ITGA11: variants seen among roughly 807,000 people sequenced by gnomAD.
The protein encoded by ITGA11 is integrin alpha-11.
A neutral mutation model predicts 141.9 loss-of-function variants in ITGA11; 97 were observed. That is an observed-to-expected ratio of 0.68 (90% confidence interval 0.58 to 0.81). The LOEUF (loss-of-function observed/expected upper bound fraction) is 0.81. Among genes scored for constraint, ITGA11 ranks in the 30% least tolerant of loss-of-function variants. The pLI, the probability that ITGA11 is intolerant of heterozygous loss-of-function variation, is 0.00. For missense variants in ITGA11, 1,387 were observed against 1,559.2 expected (o/e 0.89, Z 1.86); for synonymous variants, 658 against 624.6 (o/e 1.05, Z -0.80).
chr15:68,351,734 T>C (rs1305214272), intron 7 of ITGA11, among the ~76,000 whole-genome samples: 3 of 151,312 alleles, frequency 2.0e-5, no homozygotes, highest in African/African-American at 7.3e-5. Flanking sequence ...TTTAGAGGCA[T>C]TAAGTCAGTG....
chr15:68,425,693 C>A (rs534240181), intron 1 of ITGA11, among the ~76,000 whole-genome samples: 1 of 152,352 alleles, frequency 6.6e-6, no homozygotes, highest in Non-Finnish European at 1.5e-5. Flanking sequence ...CTATCTAGAG[C>A]TACGCCCACT....
In ITGA11 at chr15:68,351,384, C is replaced by G; in HGVS notation, c.768G>C (p.Lys256Asn). The G allele has an allele frequency of 6.2e-7, 1 of 1,613,948 alleles. No individual in the cohort carries two copies. Among genetic ancestry groups the G allele is most frequent in the Non-Finnish European group, 8.5e-7 (1 of 1,179,882 alleles). The change falls in exon 8 of 30, where the codon AAG becomes AAC. Residue 256 changes from lysine to asparagine, a missense_variant. Physicochemically the swap from Lys to Asn is moderately conservative, Grantham distance 94. Coordinates refer to ENST00000315757, the MANE Select transcript of ITGA11 (RefSeq NM_001004439.2). ...IEFARSEAFQ[K>N]GGRKGAKKVM... ...CCTTCTTGGCTCCTTTCCTTCCACCCTTCTGGAAAGCCTCTGAGCTGGAAG... is the reference window on the plus strand; with the variant it reads ...CCTTCTTGGCTCCTTTCCTTCCACCGTTCTGGAAAGCCTCTGAGCTGGAAG...
intron 2 of ITGA11, among the ~76,000 whole-genome samples, chr15:68,374,259 CT>C (rs1303693084): frequency 6.6e-6 from 1 of 152,216 alleles, no homozygotes; most frequent in Non-Finnish European, 1.5e-5. Context: ...AAACTTTCCC[CT>C]GGCCTAGCCT....
At chr15:68,314,251 C>T (rs1353567294) in intron 22 of ITGA11, among the ~76,000 whole-genome samples, 1 of 152,218 alleles carries the variant, frequency 6.6e-6, no homozygotes, top group Admixed American at 6.5e-5. Context: ...GTGGCAAAGG[C>T]TGTGCCCACG....
In ITGA11 at chr15:68,351,399, T is replaced by G; in HGVS notation, c.753A>C (p.Ser251=). 1 of 1,613,780 alleles carries G rather than the reference T, an allele frequency of 6.2e-7. No homozygotes were observed. Among genetic ancestry groups the G allele is most frequent in the Non-Finnish European group, 8.5e-7 (1 of 1,179,828 alleles). ...TCCTTCCACCCTTCTGGAAAGCCTC[T>G]GAGCTGGAAGCCAAGCACAGGGGCA... The part of the protein sequence containing the change: ...RTAFGIEFAR[S]EAFQKGGRKG... Residue 251 remains serine (S), a synonymous_variant, in exon 8 of 30, where the codon TCA becomes TCC. Transcript: ENST00000315757.
At chr15:68,318,156 G>A (rs779860610) in intron 20 of ITGA11, among the ~76,000 whole-genome samples, 11 of 152,076 alleles carry the variant, frequency 7.2e-5, no homozygotes, top group Non-Finnish European at 1.5e-4. Context: ...GTTGGGGATG[G>A]GTGGTGGCAC....
intron 2 of ITGA11, among the ~76,000 whole-genome samples, chr15:68,383,262 C>T (rs1384373685): frequency 1.3e-5 from 2 of 149,562 alleles, no homozygotes; most frequent in Non-Finnish European, 3.0e-5. Context: ...CAGAGCGAGG[C>T]TCTGCCTCAA....
intron 11 of ITGA11, 113 bp downstream of exon 11, chr15:68,339,387 G>T: frequency 8.0e-7 from 1 of 1,256,966 alleles, no homozygotes; most frequent in Non-Finnish European, 1.1e-6. Context: ...GCTTGAATCA[G>T]CCCAGAATAT....
At chr15:68,400,842 ATTAT>A (rs1439270449) in intron 2 of ITGA11, among the ~76,000 whole-genome samples, 1 of 80,820 alleles carries the variant, frequency 1.2e-5, no homozygotes, top group Non-Finnish European at 2.2e-5. Context: ...TAAATATTAT[ATTAT>A]ATATTATATA....
At chr15:68,390,801 A>G (rs1017790146) in intron 2 of ITGA11, among the ~76,000 whole-genome samples, 3 of 152,194 alleles carry the variant, frequency 2.0e-5, no homozygotes, top group African/African-American at 7.2e-5. Flanking sequence ...TATTTTACAC[A>G]TGGGCAAATA....
In ITGA11 at chr15:68,325,964, A is replaced by T. The variant is rs1180168212; in HGVS notation, c.2211+690T>A. ...CCCAGCCCCAGAGTTTCTGAGTCAG[A>T]ACAAGTGAATTTCCAAGTTTGTGGG... On this transcript the variant is annotated intron_variant, in intron 17 of 29. Transcript: ENST00000315757. The surrounding 1 kb of genome is among the most constrained non-coding windows in gnomAD (Gnocchi z 5.5). Among the ~76,000 whole-genome samples, 1 of 152,204 alleles carries T rather than the reference A, an allele frequency of 6.6e-6. No individual in the cohort carries two copies. The highest frequency in any genetic ancestry group is 1.5e-5 in the Non-Finnish European group (1 of 68,022).
At chr15:68,368,020 G>T (rs915690375) in intron 3 of ITGA11, among the ~76,000 whole-genome samples, 3 of 152,226 alleles carry the variant, frequency 2.0e-5, no homozygotes, top group African/African-American at 7.2e-5. Context: ...CCCACCCATG[G>T]TGCTGATGCA....
chr15:68,404,826 T>C (rs1896602539), intron 1 of ITGA11, among the ~76,000 whole-genome samples: 1 of 152,196 alleles, frequency 6.6e-6, no homozygotes, highest in African/African-American at 2.4e-5. Context: ...TAAGTAAAAA[T>C]GAATTGGCAG....
chr15:68,321,004 C>A lies in ITGA11; in HGVS notation c.2408+414G>T, dbSNP rs377683698. 6.6e-6 allele frequency among the ~76,000 whole-genome samples: 1 copy of A among 152,116 alleles called. No individual in the cohort carries two copies. Among genetic ancestry groups the A allele is most frequent in the Non-Finnish European group, 1.5e-5 (1 of 68,030 alleles). ...CCCTGCTCACCCTCGGCTGGTGTCCCTGGCATCTTTCCATCAGAAGGATTG... is the reference window on the plus strand; with the variant it reads ...CCCTGCTCACCCTCGGCTGGTGTCCATGGCATCTTTCCATCAGAAGGATTG... On this transcript the variant is annotated intron_variant, in intron 19 of 29. Coordinates refer to ENST00000315757, the MANE Select transcript of ITGA11 (RefSeq NM_001004439.2). The surrounding 1 kb of genome is among the most constrained non-coding windows in gnomAD (Gnocchi z 4.9).
In ITGA11 at chr15:68,320,270, A is replaced by G; in HGVS notation, c.2531T>C (p.Leu844Pro). 2 of 1,613,998 alleles carry G rather than the reference A, an allele frequency of 1.2e-6. No homozygotes were observed. Among genetic ancestry groups the G allele is most frequent in the Non-Finnish European group, 1.7e-6 (2 of 1,179,890 alleles). The change falls in exon 20 of 30, where the codon CTG becomes CCG. Residue 844 changes from leucine (L) to proline (P), a missense_variant. By Grantham distance (98) the Leu-to-Pro change is moderately conservative. Coordinates refer to ENST00000315757, the MANE Select transcript of ITGA11 (RefSeq NM_001004439.2). ...GTAGGCGTTCTCGCCCCTGTTCTCCAGTGTGGCCTCCACCGCCACTCGCTG... is the reference window on the plus strand; with the variant it reads ...GTAGGCGTTCTCGCCCCTGTTCTCCGGTGTGGCCTCCACCGCCACTCGCTG... ...TRQRVAVEAT[L>P]ENRGENAYST...
In ITGA11 at chr15:68,301,650, G is replaced by C. The variant is rs145957262; in HGVS notation, c.*1409C>G. The C allele has an allele frequency of 1.8e-4, 28 of 152,380 alleles. No homozygotes were observed. Among genetic ancestry groups the C allele is most frequent in the African/African-American group, 6.7e-4 (28 of 41,566 alleles). The allele number at this position is 152,380 out of a possible 1,614,324, so 9.4% of individuals were successfully genotyped here. On this transcript the variant is annotated 3_prime_UTR_variant, in exon 30 of 30. Coordinates refer to ENST00000315757, the MANE Select transcript of ITGA11 (RefSeq NM_001004439.2). This position sits in a 1 kb window ranked among gnomAD's most constrained non-coding sequence, Gnocchi z 4.4. Reference sequence around the variant, plus strand: ...ATTCTACTTCCTCTCCTTCAAAGGGGAGTATGGCTCACTGTGATATGCTCT... The same window carrying C: ...ATTCTACTTCCTCTCCTTCAAAGGGCAGTATGGCTCACTGTGATATGCTCT...
At chr15:68,405,159 CTTT>C (rs201537337) in intron 1 of ITGA11, among the ~76,000 whole-genome samples, 2 of 118,942 alleles carry the variant, frequency 1.7e-5, no homozygotes, top group African/African-American at 6.3e-5. Flanking sequence ...CACTGTCTCC[CTTT>C]TTTTTTTTTT....
In ITGA11 at chr15:68,303,276, G is replaced by T. The variant is rs945417697; in HGVS notation, c.3496-146C>A. The T allele has an allele frequency of 4.3e-6, 3 of 704,170 alleles. No homozygotes were observed. The Admixed American group carries it at 7.9e-5, about 19-fold the overall frequency. The allele number at this position is 704,170 out of a possible 1,614,324, so 43.6% of individuals were successfully genotyped here. On this transcript the variant is annotated intron_variant, in intron 29 of 29. Coordinates refer to ENST00000315757, the MANE Select transcript of ITGA11 (RefSeq NM_001004439.2). This position sits in a 1 kb window ranked among gnomAD's most constrained non-coding sequence, Gnocchi z 5.3. ...CTCATTCTGAGCACCCCCTCCTCCA[G>T]AACTGCCTCTGTGGACTGGAACACA... is the stretch of plus-strand genomic sequence containing the variant.
At chr15:68,380,397 T>C (rs559528779) in intron 2 of ITGA11, among the ~76,000 whole-genome samples, 19 of 152,282 alleles carry the variant, frequency 1.2e-4, no homozygotes, top group African/African-American at 4.1e-4. Flanking sequence ...ACACATTCTG[T>C]TCAAAGAAAT....
Sources: gnomAD v4.1 joint callset for allele counts (sites outside exome capture counted in the v4.1 genomes callset) on GRCh38, gnomAD v4.1.1 for gene constraint, Gnocchi (gnomAD v3.1) non-coding constraint, MANE v1.5 for transcripts, NCBI Gene and HGNC (gene_info 2026-07-23, HGNC 2026-07-21) for gene names.